MROH9: variants seen among roughly 807,000 people sequenced by gnomAD.
MROH9 encodes the protein maestro heat like repeat family member 9.
A neutral mutation model predicts 98.2 loss-of-function variants in MROH9; 92 were observed. The ratio of observed to expected loss-of-function variants is 0.94; its 90% confidence interval spans 0.79 to 1.11. The LOEUF (loss-of-function observed/expected upper bound fraction) is 1.11. Ranked by LOEUF, MROH9 falls within the 50% of genes most tolerant of loss-of-function variation. MROH9 has a pLI of 0.00. For synonymous variants in MROH9, 397 were observed against 368.9 expected (o/e 1.08, Z -0.87); for missense variants, 1,057 against 1,014.8 (o/e 1.04, Z -0.57).
intron 15 of MROH9, among the ~76,000 whole-genome samples, chr1:171,001,173 A>G (rs1481498104): frequency 6.6e-6 from 1 of 151,932 alleles, no homozygotes; most frequent in African/African-American, 2.4e-5. Flanking sequence ...AATTTTATTC[A>G]TCTTTACAAA....
rs564232810 is a variant in MROH9 at position 170,973,642 on chromosome 1, G to A, written c.616+1759G>A. 1.1e-4 allele frequency among the ~76,000 whole-genome samples: 16 copies of A among 152,320 alleles called. No homozygotes were observed. In the South Asian group the frequency reaches 3.3e-3, roughly 32 times the overall value. On this transcript the variant is annotated intron_variant, in intron 8 of 21. Coordinates refer to ENST00000367759, the MANE Select transcript of MROH9 (RefSeq NM_001163629.2). Reference sequence around the variant, plus strand: ...TGTAATCCCAGCACTTTTGGAGGCCGAGGCGGGCAGATCACCTGAGGTCAA... The same window carrying A: ...TGTAATCCCAGCACTTTTGGAGGCCAAGGCGGGCAGATCACCTGAGGTCAA...
intron 20 of MROH9, among the ~76,000 whole-genome samples, chr1:171,056,556 C>T (rs1051587930): frequency 1.3e-5 from 2 of 152,098 alleles, no homozygotes; most frequent in Non-Finnish European, 2.9e-5. Flanking sequence ...ATAGCCTTTC[C>T]TCCTGATAGT....
chr1:171,014,197 T>C lies in MROH9; in HGVS notation c.1677T>C (p.Pro559=). 4 of 1,551,104 alleles carry C rather than the reference T, an allele frequency of 2.6e-6. No homozygotes were observed. The highest frequency in any genetic ancestry group is 2.4e-5 in the South Asian group (2 of 84,054). The part of the protein sequence containing the change: ...LFINWINDSN[P]VVSRLILHRI... ...TAAACTGGATCAATGATTCCAATCC[T>C]GTAGTTAGCAGACTGATCCTTCATA... The change falls in exon 16 of 22, where the codon CCT becomes CCC. Residue 559 remains proline (P), a synonymous_variant. Coordinates refer to ENST00000367759, the MANE Select transcript of MROH9 (RefSeq NM_001163629.2).
chr1:171,034,292 T>A (rs188387465), intron 20 of MROH9, among the ~76,000 whole-genome samples: 1 of 152,208 alleles, frequency 6.6e-6, no homozygotes, highest in African/African-American at 2.4e-5. Flanking sequence ...GAAATCATCA[T>A]CATGAATTCT....
At chr1:170,957,808 TTG>T (rs1409524613) in intron 3 of MROH9, among the ~76,000 whole-genome samples, 6 of 136,874 alleles carry the variant, frequency 4.4e-5, no homozygotes, top group African/African-American at 1.7e-4. Flanking sequence ...TTTTTTTTTT[TTG>T]TTTGTTTGTT....
At chr1:171,057,281 T>G (rs1653870456) in intron 20 of MROH9, among the ~76,000 whole-genome samples, 1 of 152,150 alleles carries the variant, frequency 6.6e-6, no homozygotes, top group Non-Finnish European at 1.5e-5. Flanking sequence ...AATGACCTAA[T>G]GGAGCTGAAA....
chr1:170,989,728 A>G (rs983093390), intron 10 of MROH9, 127 bp from the exon 11 acceptor site: 11 of 736,974 alleles, frequency 1.5e-5, no homozygotes, highest in Non-Finnish European at 2.2e-5. Context: ...ACTAGTGCTT[A>G]TCTGTATGTT....
intron 3 of MROH9, among the ~76,000 whole-genome samples, chr1:170,954,843 G>A (rs1050712638): frequency 1.3e-5 from 2 of 151,776 alleles, no homozygotes; most frequent in Non-Finnish European, 2.9e-5. Context: ...AAGTTATTGG[G>A]GTACAGGTGG....
At chr1:171,063,206 A>G (rs1487511306) in intron 21 of MROH9, among the ~76,000 whole-genome samples, 1 of 150,906 alleles carries the variant, frequency 6.6e-6, no homozygotes, top group Non-Finnish European at 1.5e-5. Flanking sequence ...ACAGTCCACT[A>G]TCTGGATATA....
chr1:171,017,883 G>A (rs568402723), intron 17 of MROH9, among the ~76,000 whole-genome samples: 49 of 151,958 alleles, frequency 3.2e-4, no homozygotes, highest in Non-Finnish European at 6.3e-4. Flanking sequence ...CTCAGGGACA[G>A]AACTCTGATC....
intron 20 of MROH9, among the ~76,000 whole-genome samples, chr1:171,042,499 T>C (rs1162851707): frequency 6.6e-6 from 1 of 152,152 alleles, no homozygotes; most frequent in African/African-American, 2.4e-5. Context: ...TTTGGGTATA[T>C]ACCCAGCAGT....
Position 170,945,551 on chromosome 1 carries a change from G to T in MROH9, c.-6G>T. The T allele has an allele frequency of 1.2e-6, 2 of 1,612,156 alleles. No individual in the cohort carries two copies. The highest frequency in any genetic ancestry group is 1.7e-6 in the Non-Finnish European group (2 of 1,178,878). On this transcript the variant is annotated 5_prime_UTR_variant, in exon 2 of 22. Transcript: ENST00000367759. Reference sequence around the variant, plus strand: ...TAGTAGAAGACTTTAATACACCTCTGTCAGCATGTTGACAAGGAATCCAAA... The same window carrying T: ...TAGTAGAAGACTTTAATACACCTCTTTCAGCATGTTGACAAGGAATCCAAA...
rs1654112697 is a variant in MROH9, at chr1:171,064,622, T to G, written c.*282T>G. ...AATTGAAAATAACATAAGCAAAGTG[T>G]TTGATGAGAAGCTCTGGGAACTTGA... is the stretch of plus-strand genomic sequence containing the variant. On this transcript the variant is annotated 3_prime_UTR_variant, in exon 22 of 22. Transcript: ENST00000367759. 1 of 276,532 alleles carries G rather than the reference T, an allele frequency of 3.6e-6. No homozygotes were observed. The allele number at this position is 276,532 out of a possible 1,614,324, so 17.1% of individuals were successfully genotyped here. A position where few individuals can be genotyped will look rare whatever the true frequency, so the allele number is the denominator to read the frequency against.
At chr1:170,942,263 G>A (rs368903820) in intron 1 of MROH9, among the ~76,000 whole-genome samples, 1 of 151,838 alleles carries the variant, frequency 6.6e-6, no homozygotes, top group Non-Finnish European at 1.5e-5. Flanking sequence ...GGGTCTAGAA[G>A]CAAAGAAGAG....
At chr1:170,987,941 T>C (rs1276471703) in intron 10 of MROH9, among the ~76,000 whole-genome samples, 1 of 152,208 alleles carries the variant, frequency 6.6e-6, no homozygotes, top group Non-Finnish European at 1.5e-5. Flanking sequence ...AATAAGATGC[T>C]TATCTTGTTT....
intron 21 of MROH9, 48 bp downstream of exon 21, chr1:171,062,242 A>G (rs1654037498): frequency 6.1e-6 from 8 of 1,316,524 alleles, no homozygotes; most frequent in Non-Finnish European, 7.5e-6. Context: ...ATCTAAATAC[A>G]TTTACTATTT....
At chr1:171,056,273 A>G (rs879378607) in intron 20 of MROH9, among the ~76,000 whole-genome samples, 1 of 152,182 alleles carries the variant, frequency 6.6e-6, no homozygotes, top group African/African-American at 2.4e-5. Flanking sequence ...ATCCATCTCT[A>G]TAGCTCCAGG....
intron 12 of MROH9, 70 bp downstream of exon 12, chr1:170,992,399 A>T (rs1182350571): frequency 6.7e-7 from 1 of 1,489,180 alleles, no homozygotes. Flanking sequence ...CTATCTGCCC[A>T]CAGACTCAAT....
intron 17 of MROH9, among the ~76,000 whole-genome samples, chr1:171,017,143 C>T (rs1324480015): frequency 2.6e-5 from 4 of 152,140 alleles, no homozygotes; most frequent in African/African-American, 4.8e-5. Context: ...CTTAAAGGGG[C>T]GGGGGCCAAG....
Sources: allele counts gnomAD v4.1 joint callset (sites outside exome capture counted in the v4.1 genomes callset), GRCh38; gene constraint gnomAD v4.1.1; transcripts MANE v1.5; gene names NCBI Gene and HGNC (gene_info 2026-07-23, HGNC 2026-07-21).